Variants in CALN1 observed in about 807,000 individuals in gnomAD.
The protein encoded by CALN1 is calcium-binding protein 8.
A neutral mutation model predicts 30.6 loss-of-function variants in CALN1; 17 were observed. That is an observed-to-expected ratio of 0.56 (90% CI 0.38 to 0.83). CALN1 has a LOEUF of 0.83. Among genes scored for constraint, CALN1 ranks in the 40% least tolerant of loss-of-function variants. The pLI is 0.00. For missense variants in CALN1, 291 were observed against 354.9 expected (o/e 0.82, Z 1.45); for synonymous variants, 156 against 131.4 (o/e 1.19, Z -1.28).
At chr7:72,057,021 G>A (rs1193390599) in intron 4 of CALN1, among the ~76,000 whole-genome samples, 1 of 151,992 alleles carries the variant, frequency 6.6e-6, no homozygotes, top group African/African-American at 2.4e-5. Flanking sequence ...GATCATTACA[G>A]CCTCCAATTT....
At chr7:72,085,003 C>T (rs968574901) in intron 4 of CALN1, among the ~76,000 whole-genome samples, 1 of 152,188 alleles carries the variant, frequency 6.6e-6, no homozygotes, top group Non-Finnish European at 1.5e-5. Context: ...ATACTACCTG[C>T]CCGTTAGTCA....
At chr7:71,788,486 TTG>T (rs1355830232) in intron 6 of CALN1, among the ~76,000 whole-genome samples, 1 of 141,606 alleles carries the variant, frequency 7.1e-6, no homozygotes, top group African/African-American at 2.8e-5. Flanking sequence ...AGGTTTTTTT[TTG>T]TTGTTTTTTT....
intron 6 of CALN1, among the ~76,000 whole-genome samples, chr7:71,802,078 A>T (rs370699849): frequency 3.3e-5 from 5 of 152,154 alleles, no homozygotes; most frequent in Non-Finnish European, 5.9e-5. Flanking sequence ...CATGCGTGAC[A>T]GTTCTCTTCC....
At chr7:72,255,006 T>C (rs13236874) in intron 3 of CALN1, among the ~76,000 whole-genome samples, 54,329 of 151,998 alleles carry the variant, frequency 0.36, 10,659 homozygotes, top group Middle Eastern at 0.55. Context: ...TTGGTCAGGC[T>C]GGTCTTTAAC....
intron 5 of CALN1, among the ~76,000 whole-genome samples, chr7:72,011,476 G>A (rs1394360981): frequency 2.0e-5 from 3 of 152,152 alleles, no homozygotes; most frequent in Non-Finnish European, 4.4e-5. Context: ...TGAAGCACAG[G>A]AAGACCCCTG....
At chr7:72,146,265 G>A (rs1786712977) in intron 3 of CALN1, among the ~76,000 whole-genome samples, 1 of 152,134 alleles carries the variant, frequency 6.6e-6, no homozygotes, top group African/African-American at 2.4e-5. Context: ...ATAAGCAACT[G>A]CAGCAAAGTC....
At chr7:72,220,878 T>A (rs1452899291) in intron 3 of CALN1, among the ~76,000 whole-genome samples, 1 of 152,194 alleles carries the variant, frequency 6.6e-6, no homozygotes, top group African/African-American at 2.4e-5. Flanking sequence ...TCGCCCACTT[T>A]TTGATGGGGT....
chr7:72,420,766 C>T (rs886725264), intron 1 of CALN1, among the ~76,000 whole-genome samples: 4 of 151,748 alleles, frequency 2.6e-5, no homozygotes, highest in African/African-American at 7.3e-5. Flanking sequence ...ACTACAGGAG[C>T]CCGCCACTAC....
At chr7:72,492,740 G>A in the CALN1 span, among the ~76,000 whole-genome samples, 2 of 152,188 alleles carry the variant, frequency 1.3e-5, no homozygotes, top group Non-Finnish European at 2.9e-5. Flanking sequence ...GACAACAGAT[G>A]AGCCCCTCAC....
chr7:72,371,163 G>T (rs1178098615), intron 2 of CALN1, among the ~76,000 whole-genome samples: 1 of 151,970 alleles, frequency 6.6e-6, no homozygotes, highest in Admixed American at 6.6e-5. Flanking sequence ...CTAACCTAGG[G>T]TTGCAAAGGT....
At chr7:71,998,579 T>G (rs1169648915) in intron 5 of CALN1, among the ~76,000 whole-genome samples, 3 of 151,840 alleles carry the variant, frequency 2.0e-5, no homozygotes, top group Non-Finnish European at 4.4e-5. Flanking sequence ...ATATACTTTT[T>G]TTTTTTTTTT....
At chr7:72,256,962 C>T (rs919252532) in intron 3 of CALN1, among the ~76,000 whole-genome samples, 1 of 152,144 alleles carries the variant, frequency 6.6e-6, no homozygotes, top group Non-Finnish European at 1.5e-5. Context: ...ATATTCCCCA[C>T]TGTATTAGTT....
chr7:71,795,733 G>A (rs983737472), intron 6 of CALN1, among the ~76,000 whole-genome samples: 28 of 151,606 alleles, frequency 1.8e-4, no homozygotes, highest in African/African-American at 5.6e-4. Flanking sequence ...CATACAGTAG[G>A]TGACCTTTCG....
intron 4 of CALN1, among the ~76,000 whole-genome samples, chr7:72,054,878 T>C (rs1803149091): frequency 6.6e-6 from 1 of 151,934 alleles, no homozygotes. Flanking sequence ...ATAACAAACC[T>C]GCACATGTGC....
At chr7:72,135,490 G>A (rs1348189207) in intron 3 of CALN1, among the ~76,000 whole-genome samples, 1 of 152,166 alleles carries the variant, frequency 6.6e-6, no homozygotes, top group Non-Finnish European at 1.5e-5. Context: ...TAGAGCTCTT[G>A]GGTGACCAGG....
intron 3 of CALN1, among the ~76,000 whole-genome samples, chr7:72,125,720 C>T (rs970324832): frequency 1.2e-4 from 18 of 151,400 alleles, no homozygotes; most frequent in African/African-American, 4.4e-4. Context: ...GCAGTGTACA[C>T]TGTACTCAAT....
intron 4 of CALN1, among the ~76,000 whole-genome samples, chr7:72,036,868 A>C (rs1185836357): frequency 6.6e-6 from 1 of 150,840 alleles, no homozygotes; most frequent in Non-Finnish European, 1.5e-5. Flanking sequence ...TTTTTTGCTG[A>C]AAACTGGATA....
At chr7:72,115,786 A>G (rs543578474) in intron 3 of CALN1, among the ~76,000 whole-genome samples, 193 of 151,884 alleles carry the variant, frequency 1.3e-3, no homozygotes, top group African/African-American at 4.4e-3. Context: ...GTGCCCGGCC[A>G]TATACATTCT....
intron 2 of CALN1, among the ~76,000 whole-genome samples, chr7:72,385,611 T>C (rs1414003536): frequency 1.3e-5 from 2 of 152,194 alleles, no homozygotes; most frequent in Non-Finnish European, 2.9e-5. Flanking sequence ...TTTGGCTCTG[T>C]GTCCCCACCC....
Sources: gnomAD v4.1 joint callset for allele counts (sites outside exome capture counted in the v4.1 genomes callset) on GRCh38, gnomAD v4.1.1 for gene constraint, MANE v1.5 for transcripts, NCBI Gene and HGNC (gene_info 2026-07-23, HGNC 2026-07-21) for gene names.